The following DACH1 variants were observed in gnomAD, a reference collection of about 807,000 sequenced individuals.
DACH1 encodes dachshund homolog 1.
In DACH1, 12 loss-of-function variants were observed where a neutral mutation model predicts 54.2. That is an observed-to-expected ratio of 0.22 (90% CI 0.14 to 0.36). The LOEUF (loss-of-function observed/expected upper bound fraction) is 0.36, where lower values mean the gene tolerates loss of function less well. DACH1 is among the 10% of genes least tolerant of loss of function. The probability of loss-of-function intolerance (pLI) is 1.00; values close to 1 mark genes in which losing one functional copy is unlikely to be tolerated. For synonymous variants in DACH1, 386 were observed against 366.2 expected, an observed-to-expected ratio of 1.05 and a Z score of -0.62; for missense variants, 805 against 929.8, an observed-to-expected ratio of 0.87 and a Z score of 1.75.
At chr13:71,656,687 C>T (rs1879110196) in intron 2 of DACH1, among the ~76,000 whole-genome samples, 1 of 151,430 alleles carries the variant, frequency 6.6e-6, no homozygotes, top group Non-Finnish European at 1.5e-5. Flanking sequence ...GACAAATTAG[C>T]TTTCTCTAAC....
intron 1 of DACH1, among the ~76,000 whole-genome samples, chr13:71,690,716 G>C (rs1881436207): frequency 2.6e-5 from 4 of 152,130 alleles, no homozygotes; most frequent in African/African-American, 7.2e-5. Flanking sequence ...AGGATTGCTT[G>C]AGCCCAGGAG....
chr13:71,446,456 C>T (rs1309582807), intron 10 of DACH1, among the ~76,000 whole-genome samples: 2 of 152,124 alleles, frequency 1.3e-5, no homozygotes, highest in African/African-American at 4.8e-5. Flanking sequence ...GGTGCTATAT[C>T]GATTTTAAGT....
chr13:71,756,574 T>C (rs1885168990), intron 1 of DACH1, among the ~76,000 whole-genome samples: 1 of 151,964 alleles, frequency 6.6e-6, no homozygotes, highest in African/African-American at 2.4e-5. Context: ...GTGGCAGCTA[T>C]GTCCTGGACA....
chr13:71,491,150 C>A (rs1337314699), intron 6 of DACH1, among the ~76,000 whole-genome samples: 1 of 152,144 alleles, frequency 6.6e-6, no homozygotes, highest in East Asian at 1.9e-4. Flanking sequence ...ACTCATGATG[C>A]ATAAATTTAT....
chr13:71,709,009 T>A (rs561961179), intron 1 of DACH1, among the ~76,000 whole-genome samples: 9 of 151,746 alleles, frequency 5.9e-5, no homozygotes, highest in Non-Finnish European at 1.2e-4. Flanking sequence ...CCCGCCACCA[T>A]GCCCGACTAA....
Position 71,863,505 on chromosome 13 carries a change from A to G in DACH1, c.848+2417T>C, listed in dbSNP as rs189463458. ...CAAATTATTAAGGCCAGGTGACTGA[A>G]ACATAATTACAGTAGTGATGAGATA... On this transcript the variant is annotated intron_variant, in intron 1 of 10. Transcript: ENST00000613252. 6.1e-4 allele frequency among the ~76,000 whole-genome samples: 93 copies of G among 152,338 alleles called. 1 individual carries two copies. Among genetic ancestry groups the G allele is most frequent in the African/African-American group, 2.2e-3 (91 of 41,584 alleles).
chr13:71,457,056 G>A (rs997202232), intron 10 of DACH1, among the ~76,000 whole-genome samples: 2 of 151,944 alleles, frequency 1.3e-5, no homozygotes, highest in Non-Finnish European at 2.9e-5. Context: ...ACATGAGCAC[G>A]TTTTTCTTTA....
At chr13:71,498,678 T>C (rs1879652340) in intron 6 of DACH1, among the ~76,000 whole-genome samples, 1 of 150,096 alleles carries the variant, frequency 6.7e-6, no homozygotes, top group African/African-American at 2.5e-5. Context: ...AAAACCACCA[T>C]GGCAAGAAAC....
At chr13:71,536,123 T>C (rs1224095078) in intron 6 of DACH1, among the ~76,000 whole-genome samples, 2 of 152,058 alleles carry the variant, frequency 1.3e-5, no homozygotes, top group African/African-American at 2.4e-5. Flanking sequence ...AATTTAACAA[T>C]ACTGATCCAG....
At chr13:71,471,858 T>C (rs1271630484) in intron 10 of DACH1, among the ~76,000 whole-genome samples, 1 of 152,142 alleles carries the variant, frequency 6.6e-6, no homozygotes, top group Non-Finnish European at 1.5e-5. Flanking sequence ...AAGAAAGCCA[T>C]CATGTTATAG....
chr13:71,826,473 T>C (rs1412327172), intron 1 of DACH1, among the ~76,000 whole-genome samples: 1 of 151,996 alleles, frequency 6.6e-6, no homozygotes, highest in East Asian at 1.9e-4. Flanking sequence ...CTTCTCCCTT[T>C]GGTCCTCCTC....
intron 2 of DACH1, among the ~76,000 whole-genome samples, chr13:71,643,855 A>G (rs1462435770): frequency 1.3e-5 from 2 of 149,894 alleles, no homozygotes; most frequent in Non-Finnish European, 3.0e-5. Flanking sequence ...GGGAAAGAAG[A>G]AAAAAAAAAG....
chr13:71,562,955 A>G (rs756063080), intron 4 of DACH1, among the ~76,000 whole-genome samples: 9 of 151,988 alleles, frequency 5.9e-5, no homozygotes, highest in Non-Finnish European at 1.3e-4. Flanking sequence ...TATATGTAGA[A>G]CTCCTTTATA....
At position 71,584,433 on chromosome 13, in the gene DACH1, A is replaced by G. The variant is rs9572758; in HGVS notation, c.1127-11421T>C. Among the ~76,000 whole-genome samples the G allele has an allele frequency of 2.0e-5, 3 of 152,288 alleles. No homozygotes were observed. In the East Asian group the frequency reaches 5.8e-4, roughly 29 times the overall value. On this transcript the variant is annotated intron_variant, in intron 3 of 10. Transcript: ENST00000613252. ...ATTTCACAAGAAACATAATTGTGTT[A>G]TGGACATACCAATAAACAATAATGG...
chr13:71,844,537 CT>C (rs920310889), intron 1 of DACH1, among the ~76,000 whole-genome samples: 8 of 152,174 alleles, frequency 5.3e-5, no homozygotes, highest in Admixed American at 6.5e-5. Flanking sequence ...AGAAATAATA[CT>C]TTTTTTGTTT....
chr13:71,843,736 T>A (rs1873038793), intron 1 of DACH1, among the ~76,000 whole-genome samples: 1 of 152,122 alleles, frequency 6.6e-6, no homozygotes, highest in Non-Finnish European at 1.5e-5. Context: ...TCCCTTCAAA[T>A]ATATTATATA....
chr13:71,779,294 CAT>C (rs1176433186), intron 1 of DACH1, among the ~76,000 whole-genome samples: 22 of 61,130 alleles, frequency 3.6e-4, no homozygotes, highest in Admixed American at 7.1e-4. Context: ...TATATATACA[CAT>C]ATATATATTT....
intron 2 of DACH1, among the ~76,000 whole-genome samples, chr13:71,639,288 T>C (rs1420731190): frequency 1.3e-5 from 2 of 152,136 alleles, no homozygotes; most frequent in Non-Finnish European, 2.9e-5. Flanking sequence ...GATAAGCAGA[T>C]AGAACAAAAA....
chr13:71,714,035 A>C (rs1196474582), intron 1 of DACH1, among the ~76,000 whole-genome samples: 2 of 152,080 alleles, frequency 1.3e-5, no homozygotes, highest in African/African-American at 4.8e-5. Context: ...CAGATACTTG[A>C]ATATCATATA....
Sources: gnomAD v4.1 joint callset for allele counts (sites outside exome capture counted in the v4.1 genomes callset) on GRCh38, gnomAD v4.1.1 for gene constraint, MANE v1.5 for transcripts, NCBI Gene and HGNC (gene_info 2026-07-23, HGNC 2026-07-21) for gene names.